The following PCDHGB5 variants were observed in gnomAD, a reference collection of about 807,000 sequenced individuals.
The protein encoded by PCDHGB5 is protocadherin gamma-B5.
Under a neutral mutation model 62.9 loss-of-function variants are expected in PCDHGB5, and 48 were observed. The observed-to-expected ratio is 0.76, with a 90% CI of 0.61 to 0.97. The LOEUF (loss-of-function observed/expected upper bound fraction) is 0.97. Ranked by LOEUF, PCDHGB5 falls within the 50% of genes least tolerant of loss-of-function variation. The probability of loss-of-function intolerance (pLI) is 0.00; values close to 1 mark genes in which losing one functional copy is unlikely to be tolerated. For synonymous variants in PCDHGB5, 474 were observed against 511.2 expected (o/e 0.93, Z 0.98); for missense variants, 1,118 against 1,198.6 (o/e 0.93, Z 0.99).
chr5:141,422,750 T>C (rs778578440), intron 1 of PCDHGB5: 4 of 1,611,900 alleles, frequency 2.5e-6, no homozygotes, highest in Non-Finnish European at 3.4e-6. Flanking sequence ...TATGTCTCTA[T>C]TAACTCCAAC....
chr5:141,487,848 G>C lies in PCDHGB5; in HGVS notation c.2398-6959G>C. ...TCATGCCTATATCTGAGTAAGAAAT[G>C]AAAGTAATTGGTGATCAAGAGCCAG... is the stretch of plus-strand genomic sequence containing the variant. On this transcript the variant is annotated intron_variant, in intron 1 of 3. Coordinates refer to ENST00000617380, the MANE Select transcript of PCDHGB5 (RefSeq NM_018925.3). The surrounding 1 kb of genome is among the most constrained non-coding windows in gnomAD (Gnocchi z 5.0). 1 of 1,022,244 alleles carries C rather than the reference G, an allele frequency of 9.8e-7. No homozygotes were observed. The highest frequency in any genetic ancestry group is 1.4e-6 in the Non-Finnish European group (1 of 711,992). The allele number at this position is 1,022,244 out of a possible 1,614,324, so 63.3% of individuals were successfully genotyped here. A position where few individuals can be genotyped will look rare whatever the true frequency, so the allele number is the denominator to read the frequency against.
Position 141,483,381 on chromosome 5 carries a change from G to T in PCDHGB5, c.2398-11426G>T, listed in dbSNP as rs147887550. ...AAGCTATTGCAATATTTGAAGAGAA[G>T]ATTGATAAATGCTTGAACCAGCACA... On this transcript the variant is annotated intron_variant, in intron 1 of 3. Transcript: ENST00000617380. 2.0e-3 allele frequency among the ~76,000 whole-genome samples: 305 copies of T among 152,292 alleles called. 2 individuals are homozygous for T. Among genetic ancestry groups the T allele is most frequent in the African/African-American group, 6.9e-3 (286 of 41,558 alleles).
intron 1 of PCDHGB5, among the ~76,000 whole-genome samples, chr5:141,488,655 G>C (rs1438020338): frequency 6.6e-6 from 1 of 152,164 alleles, no homozygotes. Flanking sequence ...GATGGGGGAG[G>C]GTGGGGGAAT....
At chr5:141,508,700 CCT>C in intron 3 of PCDHGB5, among the ~76,000 whole-genome samples, 1 of 152,158 alleles carries the variant, frequency 6.6e-6, no homozygotes, top group Non-Finnish European at 1.5e-5. Flanking sequence ...CCGTGTTCCT[CCT>C]CATTCTTTTC....
At chr5:141,405,232 C>T (rs779259588) in intron 1 of PCDHGB5, 8 of 1,613,990 alleles carry the variant, frequency 5.0e-6, no homozygotes, top group Middle Eastern at 1.6e-4. Flanking sequence ...TCTCCCTCAC[C>T]GCTGACTCAA....
At chr5:141,450,831 T>TATA (rs761717068) in intron 1 of PCDHGB5, among the ~76,000 whole-genome samples, 3 of 144,648 alleles carry the variant, frequency 2.1e-5, no homozygotes, top group Non-Finnish European at 4.5e-5. Flanking sequence ...TTATTATTAT[T>TATA]TTTTTTTTTT....
At position 141,432,908 on chromosome 5, in the gene PCDHGB5, C is replaced by A. The variant is rs757934634; in HGVS notation, c.2397+32384C>A. On this transcript the variant is annotated intron_variant, in intron 1 of 3. Coordinates refer to ENST00000617380, the MANE Select transcript of PCDHGB5 (RefSeq NM_018925.3). This position sits in a 1 kb window ranked among gnomAD's most constrained non-coding sequence, Gnocchi z 6.0. ...CATCTTGCTGCTGGCGCTCAGGCTGCGGCGCTGGCACAAGTCACGCCTGCT... is the reference window on the plus strand; with the variant it reads ...CATCTTGCTGCTGGCGCTCAGGCTGAGGCGCTGGCACAAGTCACGCCTGCT... The A allele has an allele frequency of 1.6e-5, 26 of 1,614,168 alleles. No individual in the cohort carries two copies. Among genetic ancestry groups the A allele is most frequent in the Middle Eastern group, 1.7e-4 (1 of 6,060 alleles).
At chr5:141,472,000 C>T (rs935165645) in intron 1 of PCDHGB5, among the ~76,000 whole-genome samples, 3 of 151,852 alleles carry the variant, frequency 2.0e-5, no homozygotes, top group African/African-American at 4.8e-5. Flanking sequence ...ATCCCTGCAT[C>T]GTATAGGGGC....
Position 141,511,103 on chromosome 5 carries a change from A to G in PCDHGB5, c.2702A>G (p.Lys901Arg), listed in dbSNP as rs779731716. The G allele has an allele frequency of 6.2e-7, 1 of 1,614,214 alleles. No individual in the cohort carries two copies. The highest frequency in any genetic ancestry group is 8.5e-7 in the Non-Finnish European group (1 of 1,180,026). The change falls in exon 4 of 4, where the codon AAG becomes AGG. Residue 901 changes from lysine to arginine, a missense_variant. By Grantham distance (26) the Lys-to-Arg change is conservative. Coordinates refer to ENST00000617380, the MANE Select transcript of PCDHGB5 (RefSeq NM_018925.3). ...SNATLTNAAGKRDGKAPAGGN... is the reference protein window; with the variant it reads ...SNATLTNAAGRRDGKAPAGGN... ...GCCACACTGACCAACGCAGCTGGCA[A>G]GCGGGATGGCAAGGCCCCAGCAGGT...
intron 2 of PCDHGB5, among the ~76,000 whole-genome samples, chr5:141,500,428 C>G (rs1224554560): frequency 6.6e-6 from 1 of 151,836 alleles, no homozygotes; most frequent in African/African-American, 2.4e-5. Context: ...CCAGGATGGT[C>G]TCGATCTCCT....
At chr5:141,423,328 G>C (rs1308803675) in intron 1 of PCDHGB5, 1 of 1,614,194 alleles carries the variant, frequency 6.2e-7, no homozygotes, top group African/African-American at 1.3e-5. Flanking sequence ...GGTGGCCGCA[G>C]TCTCCTGCAT....
rs866710706 is a variant in PCDHGB5, at chr5:141,485,167, G to A, written c.2398-9640G>A. On this transcript the variant is annotated intron_variant, in intron 1 of 3. Transcript: ENST00000617380. The surrounding 1 kb of genome is among the most constrained non-coding windows in gnomAD (Gnocchi z 5.7). ...AGGAGCAAGTAGAGAATTAGCGGGC[G>A]GCAGCAATGCTCCGCAAGGTGAGAA... The A allele has an allele frequency of 6.2e-7, 1 of 1,608,386 alleles. No homozygotes were observed.
Position 141,512,089 on chromosome 5 carries a change from T to C in PCDHGB5, c.*916T>C, listed in dbSNP as rs1292597067. 6.6e-6 allele frequency: 1 copy of C among 152,606 alleles called. No individual in the cohort carries two copies. Among genetic ancestry groups the C allele is most frequent in the Non-Finnish European group, 1.5e-5 (1 of 68,068 alleles). 9.5% of individuals were successfully genotyped at this position (152,606 alleles called of 1,614,324 possible). A position where few individuals can be genotyped will look rare whatever the true frequency, so the allele number is the denominator to read the frequency against. ...CCTCCAGATTCCAGCCATAAACCAA[T>C]AACTAGGCTGGACCCTTCCCACTAC... On this transcript the variant is annotated 3_prime_UTR_variant, in exon 4 of 4. Coordinates refer to ENST00000617380, the MANE Select transcript of PCDHGB5 (RefSeq NM_018925.3).
At chr5:141,412,189 T>C (rs560869081) in intron 1 of PCDHGB5, 21 of 152,370 alleles carry the variant, frequency 1.4e-4, no homozygotes, top group Admixed American at 1.2e-3. Context: ...AATGCTCTGA[T>C]GAAAACAGGT....
At chr5:141,412,300 A>T (rs1422841541) in intron 1 of PCDHGB5, 2 of 152,248 alleles carry the variant, frequency 1.3e-5, no homozygotes, top group Non-Finnish European at 2.9e-5. Context: ...TTCTTTTCTC[A>T]TTACAATGCA....
chr5:141,408,332 G>A, intron 1 of PCDHGB5: 1 of 1,613,912 alleles, frequency 6.2e-7, no homozygotes, highest in South Asian at 1.1e-5. Context: ...GCTGGCCAAG[G>A]GCTCGGTGGT....
chr5:141,432,250 A>T lies in PCDHGB5; in HGVS notation c.2397+31726A>T. ...ATTCCCTGGCTGAGAACACCATCCA[A>T]GGGGCAAGCCTATCGTCCTACGTGT... is the stretch of plus-strand genomic sequence containing the variant. On this transcript the variant is annotated intron_variant, in intron 1 of 3. Transcript: ENST00000617380. This position sits in a 1 kb window ranked among gnomAD's most constrained non-coding sequence, Gnocchi z 6.0. 1 of 1,614,234 alleles carries T rather than the reference A, an allele frequency of 6.2e-7. No homozygotes were observed. Among genetic ancestry groups the T allele is most frequent in the Non-Finnish European group, 8.5e-7 (1 of 1,180,054 alleles).
chr5:141,404,347 C>A (rs1451476815), intron 1 of PCDHGB5: 2 of 1,613,916 alleles, frequency 1.2e-6, no homozygotes, highest in Non-Finnish European at 1.7e-6. Context: ...CGGAAAACAA[C>A]GCCAGAGGTA....
chr5:141,431,002 C>A lies in PCDHGB5; in HGVS notation c.2397+30478C>A, dbSNP rs1055964066. The A allele has an allele frequency of 6.2e-7, 1 of 1,613,836 alleles. No individual in the cohort carries two copies. Among genetic ancestry groups the A allele is most frequent in the Admixed American group, 1.7e-5 (1 of 59,990 alleles). The stretch of plus-strand genomic sequence containing the variant: ...AGCTTTTCGCCCTGAATCCGCGCAG[C>A]GGCAGCTTGGTCACGGCGGGCAGGA... On this transcript the variant is annotated intron_variant, in intron 1 of 3. Transcript: ENST00000617380. The surrounding 1 kb of genome is among the most constrained non-coding windows in gnomAD (Gnocchi z 4.8).
Sources: allele counts gnomAD v4.1 joint callset (sites outside exome capture counted in the v4.1 genomes callset), GRCh38; gene constraint gnomAD v4.1.1; non-coding constraint Gnocchi (gnomAD v3.1); transcripts MANE v1.5; gene names NCBI Gene and HGNC (gene_info 2026-07-23, HGNC 2026-07-21).